The following DIP2C variants were observed in gnomAD, a reference collection of about 807,000 sequenced individuals.
The protein encoded by DIP2C is DIP2 acetate--CoA ligase C (putative).
Under a neutral mutation model 192.4 loss-of-function variants are expected in DIP2C, and 33 were observed. The ratio of observed to expected loss-of-function variants is 0.17; its 90% confidence interval spans 0.13 to 0.23. The LOEUF (loss-of-function observed/expected upper bound fraction) is 0.23. Ranked by LOEUF, DIP2C falls within the 10% of genes least tolerant of loss-of-function variation. The probability of loss-of-function intolerance (pLI) is 1.00; values close to 1 mark genes in which losing one functional copy is unlikely to be tolerated. For missense variants in DIP2C, 1,537 were observed against 2,110.1 expected (o/e 0.73, Z 5.32); for synonymous variants, 979 against 864.1 (o/e 1.13, Z -2.33).
At chr10:517,560 A>C (rs968907000) in intron 1 of DIP2C, among the ~76,000 whole-genome samples, 4 of 152,236 alleles carry the variant, frequency 2.6e-5, no homozygotes. Context: ...GGTGAAGGCA[A>C]GAATAATTCC....
chr10:489,847 G>A (rs1371583123), intron 1 of DIP2C, among the ~76,000 whole-genome samples: 4 of 110,652 alleles, frequency 3.6e-5, no homozygotes, highest in Non-Finnish European at 5.6e-5. Flanking sequence ...CTAGGGACAC[G>A]GTGGCTCTGA....
chr10:505,397 TTG>T (rs1172181675), intron 1 of DIP2C, among the ~76,000 whole-genome samples: 2 of 152,216 alleles, frequency 1.3e-5, no homozygotes, highest in African/African-American at 4.8e-5. Flanking sequence ...CTGCCACAAT[TTG>T]TGTGTTAGTG....
At chr10:346,543 A>C (rs1589557058) in intron 26 of DIP2C, among the ~76,000 whole-genome samples, 2 of 129,508 alleles carry the variant, frequency 1.5e-5, no homozygotes, top group African/African-American at 3.1e-5. Context: ...CCCCACACTC[A>C]CCCAACCCAG....
In DIP2C at chr10:357,949, C is replaced by T. The variant is rs148596417; in HGVS notation, c.2795-12G>A. On this transcript the variant is annotated splice_polypyrimidine_tract_variant and intron_variant, in intron 22 of 36. Coordinates refer to ENST00000280886, the MANE Select transcript of DIP2C (RefSeq NM_014974.3). ...GGCAGGGCCGATTTCTAGAAAGAAACAGAGACATGGCCATGAGGAAACAAA... is the reference window on the plus strand; with the variant it reads ...GGCAGGGCCGATTTCTAGAAAGAAATAGAGACATGGCCATGAGGAAACAAA... The T allele has an allele frequency of 5.6e-6, 9 of 1,594,264 alleles. No homozygotes were observed. Among genetic ancestry groups the T allele is most frequent in the Non-Finnish European group, 6.9e-6 (8 of 1,163,502 alleles).
chr10:686,348 C>T (rs1342359652), intron 1 of DIP2C, among the ~76,000 whole-genome samples: 1 of 151,182 alleles, frequency 6.6e-6, no homozygotes, highest in Non-Finnish European at 1.5e-5. Flanking sequence ...CAGCCTTCCC[C>T]CCACGTGGTC....
intron 1 of DIP2C, among the ~76,000 whole-genome samples, chr10:671,822 A>C (rs1034322670): frequency 1.3e-5 from 2 of 148,354 alleles, no homozygotes; most frequent in Admixed American, 6.7e-5. Flanking sequence ...CGGACGGAGG[A>C]AACGCCACAG....
chr10:308,394 C>T (rs1956422892), intron 32 of DIP2C, among the ~76,000 whole-genome samples: 1 of 151,864 alleles, frequency 6.6e-6, no homozygotes. Flanking sequence ...AGCTAGCAGC[C>T]TAGTCAGGGA....
At chr10:436,327 CTT>C (rs897581656) in intron 4 of DIP2C, among the ~76,000 whole-genome samples, 1 of 152,244 alleles carries the variant, frequency 6.6e-6, no homozygotes, top group Non-Finnish European at 1.5e-5. Flanking sequence ...CTTTCCAGCT[CTT>C]GTTTTAGCAG....
chr10:573,983 C>T (rs1849987261), intron 1 of DIP2C, among the ~76,000 whole-genome samples: 1 of 152,068 alleles, frequency 6.6e-6, no homozygotes, highest in African/African-American at 2.4e-5. Flanking sequence ...AACGGTCCTC[C>T]CTGTCACTTT....
At chr10:443,843 A>G (rs937193203) in intron 3 of DIP2C, among the ~76,000 whole-genome samples, 2 of 152,184 alleles carry the variant, frequency 1.3e-5, no homozygotes, top group Non-Finnish European at 2.9e-5. Context: ...TCTATCAAAT[A>G]GAGTTCAGTG....
intron 19 of DIP2C, among the ~76,000 whole-genome samples, chr10:365,445 G>A (rs941907364): frequency 5.3e-5 from 8 of 152,216 alleles, no homozygotes. Context: ...GCTGAGGCAG[G>A]AAGATGGCTT....
chr10:443,950 C>T (rs4880676), intron 3 of DIP2C, among the ~76,000 whole-genome samples: 148,839 of 152,286 alleles, frequency 0.98, 72,819 homozygotes, highest in Middle Eastern at 1. Flanking sequence ...ACTTGGTGCA[C>T]TTTGATAAGT....
chr10:422,903 G>C lies in DIP2C; in HGVS notation c.525C>G (p.Thr175=), dbSNP rs375439992. 2 of 1,613,852 alleles carry C rather than the reference G, an allele frequency of 1.2e-6. No homozygotes were observed. The highest frequency in any genetic ancestry group is 1.7e-6 in the Non-Finnish European group (2 of 1,180,050). Residue 175 remains threonine, a synonymous_variant, in exon 5 of 37, where the codon ACC becomes ACG. Coordinates refer to ENST00000280886, the MANE Select transcript of DIP2C (RefSeq NM_014974.3). ...CGCTCTGCGTAGAGGACGAGGAGGT[G>C]GTGGACGTGGTGGAGCCGTGGATGG... ...SQAIHGSTTS[T]TSSSSTQSGG... is the part of the protein sequence containing the mutation.
chr10:597,918 C>T (rs1237518930), intron 1 of DIP2C, among the ~76,000 whole-genome samples: 1 of 152,194 alleles, frequency 6.6e-6, no homozygotes, highest in African/African-American at 2.4e-5. Flanking sequence ...GCCATGCCCC[C>T]AGGGGCCAAG....
chr10:353,283 A>G (rs955554277), intron 24 of DIP2C, among the ~76,000 whole-genome samples: 7 of 152,106 alleles, frequency 4.6e-5, no homozygotes, highest in Non-Finnish European at 7.4e-5. Flanking sequence ...AACTTGGGGG[A>G]AAAAAAACCC....
intron 1 of DIP2C, among the ~76,000 whole-genome samples, chr10:614,563 G>A (rs1301219616): frequency 1.8e-4 from 27 of 152,222 alleles, no homozygotes; most frequent in Admixed American, 1.7e-3. Context: ...AGAACTGCCT[G>A]CTGAACTGGA....
chr10:340,120 G>A (rs527438623), intron 29 of DIP2C, among the ~76,000 whole-genome samples: 1 of 151,916 alleles, frequency 6.6e-6, no homozygotes, highest in Non-Finnish European at 1.5e-5. Flanking sequence ...GGCAGAGGTT[G>A]CAGTGAGCTG....
intron 2 of DIP2C, among the ~76,000 whole-genome samples, chr10:472,861 C>T (rs759678921): frequency 3.9e-5 from 6 of 152,200 alleles, no homozygotes; most frequent in Non-Finnish European, 8.8e-5. Flanking sequence ...ATTAGAGCAA[C>T]AGGGCCCAAG....
At chr10:572,874 C>T (rs1441292819) in intron 1 of DIP2C, among the ~76,000 whole-genome samples, 5 of 152,102 alleles carry the variant, frequency 3.3e-5, no homozygotes, top group Non-Finnish European at 5.9e-5. Context: ...AAATGACAGC[C>T]GGCGGGACTC....
Sources: allele counts gnomAD v4.1 joint callset (sites outside exome capture counted in the v4.1 genomes callset), GRCh38; gene constraint gnomAD v4.1.1; transcripts MANE v1.5; gene names NCBI Gene and HGNC (gene_info 2026-07-23, HGNC 2026-07-21).